Variants in LRRIQ3 observed in about 807,000 individuals in gnomAD.
LRRIQ3 encodes leucine rich repeats and IQ motif containing 3, also known as leucine-rich repeat and IQ domain-containing protein 3.
LRRIQ3 carries 75 observed loss-of-function variants against 59.3 expected under a neutral mutation model. The observed-to-expected ratio is 1.26, with a 90% CI of 1.05 to 1.53. The LOEUF is 1.53. LRRIQ3 is among the 40% of genes most tolerant of loss of function. The pLI is 0.00. For synonymous variants in LRRIQ3, 250 were observed against 231.3 expected (o/e 1.08, Z -0.73); for missense variants, 831 against 710.0 (o/e 1.17, Z -1.94).
intron 6 of LRRIQ3, among the ~76,000 whole-genome samples, chr1:74,049,143 AC>A (rs1377704193): frequency 6.6e-6 from 1 of 152,218 alleles, no homozygotes; most frequent in Non-Finnish European, 1.5e-5. Flanking sequence ...AGACAGAAGC[AC>A]ATTTAGCCTG....
chr1:74,180,957 G>T lies in LRRIQ3; in HGVS notation c.573+1581C>A. On this transcript the variant is annotated intron_variant, in intron 3 of 7. Transcript: ENST00000354431. ...CTAGCTGACATTTTATGGTTGTTTA[G>T]TTTTATTTTTGTTTCCAGATTTGTC... 2 of 671,864 alleles carry T rather than the reference G, an allele frequency of 3.0e-6. 1 individual carries two copies. Among genetic ancestry groups the T allele is most frequent in the South Asian group, 4.1e-5 (2 of 48,388 alleles). The allele number at this position is 671,864 out of a possible 1,614,324, so 41.6% of individuals were successfully genotyped here.
intron 3 of LRRIQ3, among the ~76,000 whole-genome samples, chr1:74,163,682 C>T (rs1419515928): frequency 1.3e-5 from 2 of 151,422 alleles, no homozygotes; most frequent in South Asian, 4.1e-4. Flanking sequence ...AGGTATTTTC[C>T]AGTTCGGGGC....
At chr1:74,113,138 A>C (rs1195221501) in intron 4 of LRRIQ3, among the ~76,000 whole-genome samples, 1 of 152,064 alleles carries the variant, frequency 6.6e-6, no homozygotes, top group Non-Finnish European at 1.5e-5. Flanking sequence ...GTGAAGACAT[A>C]AAAATAATTT....
At chr1:74,071,436 A>G (rs1390257412) in intron 6 of LRRIQ3, among the ~76,000 whole-genome samples, 3 of 152,166 alleles carry the variant, frequency 2.0e-5, no homozygotes, top group Middle Eastern at 3.2e-3. Context: ...ATATTTTGTA[A>G]TGTAAACACT....
At chr1:74,085,475 A>G (rs927418869) in intron 5 of LRRIQ3, among the ~76,000 whole-genome samples, 6 of 151,912 alleles carry the variant, frequency 3.9e-5, no homozygotes, top group African/African-American at 1.2e-4. Context: ...CATCAGAGAG[A>G]GACTAATTTC....
intron 3 of LRRIQ3, chr1:74,180,871 C>T: frequency 3.0e-6 from 4 of 1,341,162 alleles, no homozygotes; most frequent in Non-Finnish European, 4.1e-6. Flanking sequence ...TAATGTAGCC[C>T]AAATCTCTAC....
chr1:74,142,689 G>A (rs1647313405), intron 4 of LRRIQ3, among the ~76,000 whole-genome samples: 1 of 151,954 alleles, frequency 6.6e-6, no homozygotes, highest in Non-Finnish European at 1.5e-5. Flanking sequence ...AGAGTCAGGG[G>A]TATATTCATC....
intron 4 of LRRIQ3, among the ~76,000 whole-genome samples, chr1:74,144,788 T>A (rs948468984): frequency 6.6e-6 from 1 of 151,830 alleles, no homozygotes; most frequent in East Asian, 1.9e-4. Flanking sequence ...CTGCGGACTA[T>A]AGTTTCCCAA....
intron 6 of LRRIQ3, among the ~76,000 whole-genome samples, chr1:74,067,176 A>C (rs553279059): frequency 2.0e-4 from 30 of 152,274 alleles, no homozygotes; most frequent in Admixed American, 2.0e-3. Context: ...GTATCTCTCA[A>C]TCAGGTCTGG....
chr1:74,117,948 T>C (rs1646800127), intron 4 of LRRIQ3, among the ~76,000 whole-genome samples: 1 of 151,982 alleles, frequency 6.6e-6, no homozygotes, highest in African/African-American at 2.4e-5. Context: ...CTTTTTATAA[T>C]TTAGAGAAAA....
chr1:74,190,110 T>C (rs990348012), intron 1 of LRRIQ3, among the ~76,000 whole-genome samples: 6 of 151,872 alleles, frequency 4.0e-5, no homozygotes, highest in Non-Finnish European at 8.8e-5. Flanking sequence ...CAAAGTAAGG[T>C]CATAGGGTAA....
At chr1:74,123,064 T>C (rs1319118113) in intron 4 of LRRIQ3, among the ~76,000 whole-genome samples, 1 of 152,164 alleles carries the variant, frequency 6.6e-6, no homozygotes, top group African/African-American at 2.4e-5. Context: ...TTGTGGGAGC[T>C]AAAAATTAAA....
chr1:74,098,087 C>T (rs1291668839), intron 5 of LRRIQ3, among the ~76,000 whole-genome samples: 1 of 151,894 alleles, frequency 6.6e-6, no homozygotes, highest in African/African-American at 2.4e-5. Context: ...GGCTAAATGC[C>T]CCAATTAAAA....
At chr1:74,093,864 T>C (rs1279116874) in intron 5 of LRRIQ3, among the ~76,000 whole-genome samples, 1 of 152,070 alleles carries the variant, frequency 6.6e-6, no homozygotes, top group East Asian at 1.9e-4. Context: ...ATGAGCTGAA[T>C]AAAGGGCTGC....
chr1:74,089,077 T>A (rs1030187004), intron 5 of LRRIQ3, among the ~76,000 whole-genome samples: 5 of 152,026 alleles, frequency 3.3e-5, no homozygotes, highest in Non-Finnish European at 7.4e-5. Context: ...CATCATCAAC[T>A]GCTAGGGGAA....
chr1:74,041,883 T>G lies in LRRIQ3; in HGVS notation c.1048A>C (p.Arg350=). ...ATGGGTAGTTTGAAAACTGATATCCTAAAACTGGTATCCAATTTTTCATCC... is the reference window on the plus strand; with the variant it reads ...ATGGGTAGTTTGAAAACTGATATCCGAAAACTGGTATCCAATTTTTCATCC... ...IVDEKLDTSF[R]ISVFKLPIYT... Residue 350 remains arginine, a synonymous_variant, in exon 7 of 8, where the codon AGG becomes CGG. Coordinates refer to ENST00000354431, the MANE Select transcript of LRRIQ3 (RefSeq NM_001105659.2). 3.7e-6 allele frequency: 6 copies of G among 1,608,590 alleles called. No homozygotes were observed. Among genetic ancestry groups the G allele is most frequent in the Non-Finnish European group, 5.1e-6 (6 of 1,177,024 alleles).
chr1:74,100,747 T>A (rs2100541237), intron 5 of LRRIQ3, among the ~76,000 whole-genome samples: 1 of 152,050 alleles, frequency 6.6e-6, no homozygotes. Context: ...CCCTCAGAAA[T>A]AATACCACAC....
At position 74,026,956 on chromosome 1, in the gene LRRIQ3, A is replaced by G. The variant is rs369772997; in HGVS notation, c.1732T>C (p.Tyr578His). The G allele has an allele frequency of 1.9e-6, 3 of 1,556,008 alleles. No homozygotes were observed. The highest frequency in any genetic ancestry group is 2.6e-6 in the Non-Finnish European group (3 of 1,141,358). ...AATTTTTCTTCACAATGTCTTTTAT[A>G]TATTTCTTGAGATCTAAGAGGAGAA... ...EMKKVRSQEI[Y>H]KRHCEEKFVM... Residue 578 changes from tyrosine to histidine, a missense_variant, in exon 8 of 8, where the codon TAT (tyrosine) becomes CAT (histidine). Physicochemically the swap from Tyr to His is moderately conservative, Grantham distance 83. Transcript: ENST00000354431.
chr1:74,037,038 G>A (rs941828134), intron 7 of LRRIQ3, among the ~76,000 whole-genome samples: 4 of 152,092 alleles, frequency 2.6e-5, no homozygotes, highest in Non-Finnish European at 5.9e-5. Context: ...GTACAAATAT[G>A]TAAAAAGCAC....
Sources: gnomAD v4.1 joint callset for allele counts (sites outside exome capture counted in the v4.1 genomes callset) on GRCh38, gnomAD v4.1.1 for gene constraint, MANE v1.5 for transcripts, NCBI Gene and HGNC (gene_info 2026-07-23, HGNC 2026-07-21) for gene names.